BID: variants seen among roughly 807,000 people sequenced by gnomAD.
The protein encoded by BID is BH3-interacting domain death agonist.
In BID, 19 loss-of-function variants were observed where a neutral mutation model predicts 17.4. That is an observed-to-expected ratio of 1.09 (90% CI 0.76 to 1.60). The LOEUF (loss-of-function observed/expected upper bound fraction) is 1.60, where lower values mean the gene tolerates loss of function less well. Among genes scored for constraint, BID ranks in the 40% most tolerant of loss-of-function variants. BID has a pLI of 0.00. For missense variants in BID, 226 were observed against 256.0 expected, an observed-to-expected ratio of 0.88 and a Z score of 0.80; for synonymous variants, 108 against 102.8, an observed-to-expected ratio of 1.05 and a Z score of -0.31.
At chr22:17,757,743 C>T (rs1202662411) in intron 1 of BID, among the ~76,000 whole-genome samples, 3 of 151,852 alleles carry the variant, frequency 2.0e-5, no homozygotes, top group Non-Finnish European at 4.4e-5. Context: ...GAAAGCAATT[C>T]CAGCAGGTTT....
chr22:17,746,236 C>G (rs73876500), intron 2 of BID, among the ~76,000 whole-genome samples: 6 of 139,950 alleles, frequency 4.3e-5, no homozygotes, highest in African/African-American at 1.1e-4. Context: ...GAGGCGGGGG[C>G]GGGGGAGCGC....
At chr22:17,756,478 TTC>T (rs2061590388) in intron 1 of BID, among the ~76,000 whole-genome samples, 1 of 109,444 alleles carries the variant, frequency 9.1e-6, no homozygotes, top group African/African-American at 3.3e-5. Context: ...TTTCTTTCTT[TTC>T]TTTCTTTCTT....
intron 1 of BID, among the ~76,000 whole-genome samples, chr22:17,753,914 C>G (rs2061560194): frequency 6.6e-6 from 1 of 152,146 alleles, no homozygotes; most frequent in Non-Finnish European, 1.5e-5. Context: ...AGGACTCTGC[C>G]AGATGGGGGT....
At chr22:17,762,149 G>A (rs1239253709) in intron 1 of BID, among the ~76,000 whole-genome samples, 2 of 152,202 alleles carry the variant, frequency 1.3e-5, no homozygotes, top group Non-Finnish European at 2.9e-5. Context: ...CAGGAGATCT[G>A]CAGAAACACT....
chr22:17,765,444 A>T (rs1032266859), intron 1 of BID, among the ~76,000 whole-genome samples: 2 of 152,236 alleles, frequency 1.3e-5, no homozygotes, highest in African/African-American at 4.8e-5. Flanking sequence ...GTCGATATCC[A>T]AAGAATACCT....
At chr22:17,740,151 A>G (rs752646385) in intron 3 of BID, 3 of 1,612,114 alleles carry the variant, frequency 1.9e-6, no homozygotes, top group Non-Finnish European at 8.5e-7. Context: ...CTTCCTCAGC[A>G]CTTGCTGTGT....
chr22:17,752,828 G>A (rs1175463779), intron 1 of BID, among the ~76,000 whole-genome samples: 1 of 152,066 alleles, frequency 6.6e-6, no homozygotes, highest in East Asian at 1.9e-4. Flanking sequence ...ACCACGCCCA[G>A]CTAACTTTTT....
intron 1 of BID, among the ~76,000 whole-genome samples, chr22:17,758,321 G>A (rs375245179): frequency 7.2e-4 from 110 of 152,258 alleles, no homozygotes; most frequent in African/African-American, 2.5e-3. Flanking sequence ...TCACAAATAC[G>A]GCATTCCAGG....
intron 1 of BID, among the ~76,000 whole-genome samples, chr22:17,764,900 A>G (rs1184792603): frequency 1.3e-5 from 2 of 152,214 alleles, no homozygotes; most frequent in Non-Finnish European, 2.9e-5. Context: ...CCCTAATCCA[A>G]TGCTCCTGCA....
chr22:17,749,376 A>G (rs974848368), intron 2 of BID, among the ~76,000 whole-genome samples: 2 of 152,148 alleles, frequency 1.3e-5, no homozygotes, highest in African/African-American at 4.8e-5. Flanking sequence ...GGGTCTTACT[A>G]TGTTGCCCAG....
In BID at chr22:17,749,198, GGAT is replaced by G. The variant is rs566928493; in HGVS notation, c.12+904_12+906del. On this transcript the variant is annotated intron_variant, in intron 2 of 5. Coordinates refer to ENST00000622694, the MANE Select transcript of BID (RefSeq NM_001196.4). ...GAATTCGGCAGGAGGGAGGGGAGGA[GGAT>G]GTGATGCAGCGGGTGGGAGAGAGCA... Among the ~76,000 whole-genome samples the G allele has an allele frequency of 2.9e-3, 443 of 152,338 alleles. 4 individuals carry two copies. The highest frequency in any genetic ancestry group is 9.9e-3 in the African/African-American group (410 of 41,578).
chr22:17,755,442 A>C (rs1164886692), intron 1 of BID, among the ~76,000 whole-genome samples: 1 of 152,178 alleles, frequency 6.6e-6, no homozygotes, highest in Non-Finnish European at 1.5e-5. Context: ...TAATCAGAAA[A>C]GGAGAGGGGT....
chr22:17,737,979 C>A (rs541378614), intron 5 of BID, 38 bp downstream of exon 5: 1 of 1,604,574 alleles, frequency 6.2e-7, no homozygotes, highest in Admixed American at 1.7e-5. Flanking sequence ...AGGGCATGGG[C>A]GGCAGGCAGG....
chr22:17,754,167 C>T (rs1046490491), intron 1 of BID, among the ~76,000 whole-genome samples: 3 of 141,442 alleles, frequency 2.1e-5, no homozygotes, highest in African/African-American at 8.2e-5. Flanking sequence ...GTGACATTCC[C>T]CCAGTCTCCA....
intron 1 of BID, among the ~76,000 whole-genome samples, chr22:17,755,088 T>C (rs1156547199): frequency 6.5e-4 from 93 of 143,510 alleles, no homozygotes; most frequent in African/African-American, 2.3e-3. Flanking sequence ...TTTTCTTTTT[T>C]TTTTTTTTTT....
chr22:17,741,857 C>G (rs1426654533), intron 3 of BID, among the ~76,000 whole-genome samples: 1 of 152,132 alleles, frequency 6.6e-6, no homozygotes, highest in Non-Finnish European at 1.5e-5. Context: ...ACCAAACATA[C>G]CCAACCCCCA....
rs1216684429 is a variant in BID, at chr22:17,762,077, G to A, written c.-58-11903C>T. On this transcript the variant is annotated intron_variant, in intron 1 of 5. Transcript: ENST00000622694. ...GAGGGTACAGTGGACTTTCCCAGGGGCTGAGCGAAAGAGATACTGCAACAA... is the reference window on the plus strand; with the variant it reads ...GAGGGTACAGTGGACTTTCCCAGGGACTGAGCGAAAGAGATACTGCAACAA... Among the ~76,000 whole-genome samples the A allele has an allele frequency of 6.6e-5, 10 of 152,054 alleles. No individual in the cohort carries two copies. In the East Asian group the frequency reaches 9.6e-4, roughly 15 times the overall value.
rs574701575 is a variant in BID, at chr22:17,762,725, AATTTCTCAGTTTTAATTCTAAC to A, written c.-59+11634_-59+11655del. Among the ~76,000 whole-genome samples the A allele has an allele frequency of 6.3e-3, 955 of 151,660 alleles. 8 individuals are homozygous for A. The highest frequency in any genetic ancestry group is 0.022 in the African/African-American group (892 of 41,332). ...ACCACTGTGACTGGCCTATTTTTAA[AATTTCTCAGTTTTAATTCTAAC>A]ACAGAATATAGGGATAAAAGCCTAC... On this transcript the variant is annotated intron_variant, in intron 1 of 5. Transcript: ENST00000622694.
chr22:17,773,516 T>A lies in BID; in HGVS notation c.-59+865A>T. On this transcript the variant is annotated intron_variant, in intron 1 of 5. Coordinates refer to ENST00000622694, the MANE Select transcript of BID (RefSeq NM_001196.4). This position sits in a 1 kb window ranked among gnomAD's most constrained non-coding sequence, Gnocchi z 4.4. The stretch of plus-strand genomic sequence containing the variant: ...TGCAAGCCTGAGAAGGTGGAAGAGC[T>A]CTGGGTGGGTCCATCTGCTCCTCAC... 7.7e-7 allele frequency: 1 copy of A among 1,295,462 alleles called. No individual in the cohort carries two copies. Among genetic ancestry groups the A allele is most frequent in the Non-Finnish European group, 1.1e-6 (1 of 908,532 alleles). The allele number at this position is 1,295,462 out of a possible 1,614,324, so 80.2% of individuals were successfully genotyped here. A position where few individuals can be genotyped will look rare whatever the true frequency, so the allele number is the denominator to read the frequency against.
Sources: allele counts gnomAD v4.1 joint callset (sites outside exome capture counted in the v4.1 genomes callset), GRCh38; gene constraint gnomAD v4.1.1; non-coding constraint Gnocchi (gnomAD v3.1); transcripts MANE v1.5; gene names NCBI Gene and HGNC (gene_info 2026-07-23, HGNC 2026-07-21).